Variants in PTPRT observed in about 807,000 individuals in gnomAD.
The protein encoded by PTPRT is receptor-type tyrosine-protein phosphatase T.
Under a neutral mutation model 176.8 loss-of-function variants are expected in PTPRT, and 56 were observed. The ratio of observed to expected loss-of-function variants is 0.32; its 90% confidence interval spans 0.26 to 0.40. PTPRT has a LOEUF of 0.40. Ranked by LOEUF, PTPRT falls within the 10% of genes least tolerant of loss-of-function variation. The pLI, the probability that PTPRT is intolerant of heterozygous loss-of-function variation, is 1.00. For synonymous variants in PTPRT, 783 were observed against 739.0 expected (o/e 1.06, Z -0.96); for missense variants, 1,540 against 1,908.2 (o/e 0.81, Z 3.60).
intron 1 of PTPRT, among the ~76,000 whole-genome samples, chr20:43,109,680 T>C (rs190471988): frequency 5.4e-4 from 82 of 152,178 alleles, no homozygotes; most frequent in African/African-American, 1.8e-3. Context: ...CAAGATATTA[T>C]AGACAATGAT....
At chr20:42,483,161 T>C (rs1462554622) in intron 7 of PTPRT, among the ~76,000 whole-genome samples, 1 of 152,082 alleles carries the variant, frequency 6.6e-6, no homozygotes, top group Admixed American at 6.5e-5. Flanking sequence ...TCTCTCCCAG[T>C]TTTCACTCAT....
chr20:42,954,228 C>T (rs563763482), intron 1 of PTPRT, among the ~76,000 whole-genome samples: 5 of 152,198 alleles, frequency 3.3e-5, no homozygotes, highest in Admixed American at 1.3e-4. Flanking sequence ...TGTTGATGTC[C>T]CAGGAGAAAC....
At chr20:42,260,063 C>T (rs1288013443) in intron 13 of PTPRT, among the ~76,000 whole-genome samples, 3 of 152,188 alleles carry the variant, frequency 2.0e-5, no homozygotes, top group Non-Finnish European at 4.4e-5. Flanking sequence ...GAACTCACTA[C>T]TTAGGGGGAG....
At chr20:43,088,322 TTTTGC>T (rs1343317488) in intron 1 of PTPRT, among the ~76,000 whole-genome samples, 2 of 143,134 alleles carry the variant, frequency 1.4e-5, no homozygotes, top group East Asian at 4.3e-4. Flanking sequence ...TTAGGTTTTG[TTTTGC>T]TTTGGGGTGT....
intron 1 of PTPRT, among the ~76,000 whole-genome samples, chr20:43,135,051 G>A (rs2013780816): frequency 6.6e-6 from 1 of 152,176 alleles, no homozygotes; most frequent in African/African-American, 2.4e-5. Context: ...GGGAGGGAGT[G>A]CAAAACTGCC....
At chr20:42,943,858 A>C (rs902555207) in intron 1 of PTPRT, among the ~76,000 whole-genome samples, 2 of 151,910 alleles carry the variant, frequency 1.3e-5, no homozygotes, top group African/African-American at 4.8e-5. Context: ...CTACAAAAAA[A>C]CTGAAAAACA....
intron 6 of PTPRT, among the ~76,000 whole-genome samples, chr20:42,700,620 G>A (rs1316086027): frequency 2.6e-5 from 4 of 152,216 alleles, no homozygotes; most frequent in South Asian, 2.1e-4. Flanking sequence ...CGCATCCCTC[G>A]TTAACAGGAG....
chr20:42,109,527 C>G (rs1256997823), intron 23 of PTPRT, among the ~76,000 whole-genome samples: 1 of 152,160 alleles, frequency 6.6e-6, no homozygotes, highest in Non-Finnish European at 1.5e-5. Flanking sequence ...GTCCATTTCT[C>G]TCTATGAGGG....
chr20:42,041,655 A>G, the PTPRT span, among the ~76,000 whole-genome samples: 1 of 152,172 alleles, frequency 6.6e-6, no homozygotes, highest in East Asian at 1.9e-4. Context: ...AGGCTGTGCA[A>G]CCTTGAGCAA....
chr20:42,282,956 A>G (rs976132580), intron 12 of PTPRT, among the ~76,000 whole-genome samples: 5 of 152,228 alleles, frequency 3.3e-5, no homozygotes, highest in Admixed American at 1.3e-4. Context: ...ATCTACATGC[A>G]TAGACGGGAA....
intron 17 of PTPRT, among the ~76,000 whole-genome samples, chr20:42,143,400 C>T (rs779548093): frequency 6.6e-6 from 1 of 151,918 alleles, no homozygotes; most frequent in Non-Finnish European, 1.5e-5. Context: ...ACTAAAAGTA[C>T]AGAAAAATTA....
chr20:43,034,395 A>G (rs1986287571), intron 1 of PTPRT, among the ~76,000 whole-genome samples: 1 of 152,042 alleles, frequency 6.6e-6, no homozygotes, highest in African/African-American at 2.4e-5. Context: ...CCTGCCTGGT[A>G]TGTGTTGTAG....
chr20:42,312,802 C>CTTT (rs11482597), intron 12 of PTPRT, among the ~76,000 whole-genome samples: 89 of 112,346 alleles, frequency 7.9e-4, no homozygotes, highest in African/African-American at 2.9e-3. Flanking sequence ...GAGTGAGATC[C>CTTT]TTTTTTTTTT....
chr20:42,184,374 T>C (rs1990640397), intron 16 of PTPRT, among the ~76,000 whole-genome samples: 1 of 152,160 alleles, frequency 6.6e-6, no homozygotes, highest in South Asian at 2.1e-4. Flanking sequence ...TTTGATCACC[T>C]TGAAGTACCT....
intron 6 of PTPRT, among the ~76,000 whole-genome samples, chr20:42,724,461 C>G (rs975086688): frequency 1.3e-5 from 2 of 152,172 alleles, no homozygotes; most frequent in African/African-American, 2.4e-5. Context: ...CAGGGCATTT[C>G]TTTCTTGTTT....
chr20:42,828,450 G>C (rs1333887559), intron 2 of PTPRT, among the ~76,000 whole-genome samples: 2 of 152,210 alleles, frequency 1.3e-5, no homozygotes, highest in Admixed American at 6.5e-5. Context: ...ATCCAAGCCT[G>C]CTGCAGAAAT....
intron 2 of PTPRT, among the ~76,000 whole-genome samples, chr20:42,883,696 T>TACACAGGCATGCACACACAATGCA (rs2079042473): frequency 5.3e-5 from 3 of 56,596 alleles, no homozygotes; most frequent in Admixed American, 1.9e-4. Flanking sequence ...CACACACACC[T>TACACAGGCATGCACACACAATGCA]CCCATACACC....
At chr20:42,969,856 A>T (rs1426131480) in intron 1 of PTPRT, among the ~76,000 whole-genome samples, 1 of 152,184 alleles carries the variant, frequency 6.6e-6, no homozygotes, top group African/African-American at 2.4e-5. Context: ...CATTTACTAT[A>T]TTGCTTTCCT....
chr20:42,905,523 T>A (rs1324667369), intron 1 of PTPRT, among the ~76,000 whole-genome samples: 1 of 152,168 alleles, frequency 6.6e-6, no homozygotes, highest in African/African-American at 2.4e-5. Context: ...TCCTCAAGGA[T>A]CTAGAACTAG....
Sources: allele counts gnomAD v4.1 joint callset (sites outside exome capture counted in the v4.1 genomes callset), GRCh38; gene constraint gnomAD v4.1.1; transcripts MANE v1.5; gene names NCBI Gene and HGNC (gene_info 2026-07-23, HGNC 2026-07-21).